ZNF7: variants seen among roughly 807,000 people sequenced by gnomAD.
ZNF7 encodes the protein zinc finger protein 7.
A neutral mutation model predicts 12.0 loss-of-function variants in ZNF7; 10 were observed. The ratio of observed to expected loss-of-function variants is 0.83; its 90% CI spans 0.51 to 1.42. ZNF7 has a LOEUF of 1.42. Ranked by LOEUF, ZNF7 falls within the 40% of genes most tolerant of loss-of-function variation. The pLI is 0.00. For synonymous variants in ZNF7, 334 were observed against 295.0 expected (o/e 1.13, Z -1.35); for missense variants, 854 against 837.2 (o/e 1.02, Z -0.25).
chr8:144,845,173 C>T (rs559582066), downstream of ZNF7, among the ~76,000 whole-genome samples: 5 of 152,182 alleles, frequency 3.3e-5, no homozygotes, highest in Non-Finnish European at 7.3e-5. Flanking sequence ...AGATTTCATT[C>T]TTTGTAGAAG....
chr8:144,843,330 C>T lies in ZNF7; in HGVS notation c.*162C>T. ...TCAGGCCGAGTGTGGTGGCTTATGC[C>T]TGTCATCCCAGCACTTTGGGAGGCC... On this transcript the variant is annotated 3_prime_UTR_variant, in exon 5 of 5. Coordinates refer to ENST00000532777, the MANE Select transcript of ZNF7 (RefSeq NM_003416.4). 3.5e-6 allele frequency: 3 copies of T among 859,036 alleles called. No homozygotes were observed. The highest frequency in any genetic ancestry group is 3.4e-5 in the African/African-American group (2 of 58,170). 53.2% of individuals were successfully genotyped at this position (859,036 alleles called of 1,614,324 possible). A position where few individuals can be genotyped will look rare whatever the true frequency, so the allele number is the denominator to read the frequency against.
At chr8:144,828,697 T>G in intron 1 of ZNF7, 1 of 295,328 alleles carries the variant, frequency 3.4e-6, no homozygotes, top group South Asian at 4.1e-5. Flanking sequence ...GTGTGCTTAT[T>G]TGTGTGGTTA....
chr8:144,830,366 C>T (rs769388304), intron 3 of ZNF7, among the ~76,000 whole-genome samples: 36 of 152,196 alleles, frequency 2.4e-4, no homozygotes, highest in Admixed American at 5.2e-4. Flanking sequence ...CAGTGGGAGG[C>T]TGTTGTAGTT....
chr8:144,843,097 T>C lies in ZNF7; in HGVS notation c.1990T>C (p.Cys664Arg). 6.2e-7 allele frequency: 1 copy of C among 1,612,896 alleles called. No homozygotes were observed. The highest frequency in any genetic ancestry group is 8.5e-7 in the Non-Finnish European group (1 of 1,179,622). ...TCACACCGGGGAGAAGCCTTATAAA[T>C]GCAATGACTGTGGCAAAGCTTTTAA... The part of the protein sequence containing the change: ...RIHTGEKPYK[C>R]NDCGKAFNRS... Residue 664 changes from cysteine (C) to arginine (R), a missense_variant, in exon 5 of 5, where the codon TGC (cysteine) becomes CGC (arginine). Coordinates refer to ENST00000532777, the MANE Select transcript of ZNF7 (RefSeq NM_003416.4).
In ZNF7 at chr8:144,842,177, C is replaced by T. The variant is rs749194864; in HGVS notation, c.1070C>T (p.Thr357Ile). Reference protein sequence around the residue: ...SQLVRHQRTHTGERPYPCKEC... With the variant: ...SQLVRHQRTHIGERPYPCKEC... ...CTGGTTAGACACCAGAGAACTCACA[C>T]TGGGGAGAGGCCCTACCCTTGCAAG... The change falls in exon 5 of 5, where the codon ACT becomes ATT. Residue 357 changes from threonine to isoleucine, a missense_variant. Thr to Ile is a moderately conservative substitution (Grantham distance 89). Transcript: ENST00000532777. The T allele has an allele frequency of 3.7e-6, 6 of 1,614,116 alleles. No homozygotes were observed. The highest frequency in any genetic ancestry group is 5.1e-6 in the Non-Finnish European group (6 of 1,180,006).
Position 144,843,377 on chromosome 8 carries a change from C to G in ZNF7, c.*209C>G, listed in dbSNP as rs375302812. 6 of 535,558 alleles carry G rather than the reference C, an allele frequency of 1.1e-5. No individual in the cohort carries two copies. The highest frequency in any genetic ancestry group is 3.7e-5 in the Admixed American group (1 of 26,720). The allele number at this position is 535,558 out of a possible 1,614,324, so 33.2% of individuals were successfully genotyped here. A position where few individuals can be genotyped will look rare whatever the true frequency, so the allele number is the denominator to read the frequency against. On this transcript the variant is annotated 3_prime_UTR_variant, in exon 5 of 5. Coordinates refer to ENST00000532777, the MANE Select transcript of ZNF7 (RefSeq NM_003416.4). ...GGCCAAGGCGGGCACATCACGAGGT[C>G]AGGAGGTTGAGACCATCCTGGGTAA...
Position 144,843,749 on chromosome 8 carries a change from A to C in ZNF7, c.*581A>C, listed in dbSNP as rs1004090806. 7 of 152,276 alleles carry C rather than the reference A, an allele frequency of 4.6e-5. No homozygotes were observed. The highest frequency in any genetic ancestry group is 1.7e-4 in the African/African-American group (7 of 41,448). 9.4% of individuals were successfully genotyped at this position (152,276 alleles called of 1,614,324 possible). A position where few individuals can be genotyped will look rare whatever the true frequency, so the allele number is the denominator to read the frequency against. ...TCCCTGTGAATGAGGAAGCAGCACA[A>C]GGAGGGCTCTACGAGCGCTGCTAGA... On this transcript the variant is annotated 3_prime_UTR_variant, in exon 5 of 5. Coordinates refer to ENST00000532777, the MANE Select transcript of ZNF7 (RefSeq NM_003416.4).
Position 144,829,540 on chromosome 8 carries a change from C to T in ZNF7, c.66C>T (p.Asp22=). 1.2e-6 allele frequency: 2 copies of T among 1,614,100 alleles called. No homozygotes were observed. Among genetic ancestry groups the T allele is most frequent in the East Asian group, 2.2e-5 (1 of 44,882 alleles). The change falls in exon 3 of 5, where the codon GAC becomes GAT. Residue 22 remains aspartate, a synonymous_variant. Coordinates refer to ENST00000532777, the MANE Select transcript of ZNF7 (RefSeq NM_003416.4). ...HFSREEWQCL[D]PGQRALYREV... ...CTCGGGAGGAGTGGCAGTGTCTGGA[C>T]CCTGGCCAGAGGGCCCTCTACAGGG...
intron 3 of ZNF7, chr8:144,831,039 G>T (rs951033643): frequency 2.2e-5 from 10 of 456,210 alleles, no homozygotes; most frequent in Non-Finnish European, 4.4e-5. Flanking sequence ...CGTAAGTGGT[G>T]TTGGGGTTTT....
rs745767675 is a variant in ZNF7 at position 144,841,607 on chromosome 8, C to T, written c.500C>T (p.Ala167Val). Residue 167 changes from alanine (A) to valine (V), a missense_variant, in exon 5 of 5, where the codon GCA (alanine) becomes GTA (valine). Ala to Val is a moderately conservative substitution (Grantham distance 64). Transcript: ENST00000532777. ...GTTCCCAAGACCTTCACCAAGGACGCACCCCAGGGATGTAAGGAGCTGGGA... is the reference window on the plus strand; with the variant it reads ...GTTCCCAAGACCTTCACCAAGGACGTACCCCAGGGATGTAAGGAGCTGGGA... The part of the protein sequence containing the change: ...TVVPKTFTKD[A>V]PQGCKELGSS... The T allele has an allele frequency of 3.5e-5, 56 of 1,614,068 alleles. No individual in the cohort carries two copies. The East Asian group carries it at 6.5e-4, about 19-fold the overall frequency.
rs1397442188 is a variant in ZNF7 at position 144,841,368 on chromosome 8, G to A, written c.261G>A (p.Arg87=). The change falls in exon 5 of 5, where the codon AGG becomes AGA. Residue 87 remains arginine (R), a synonymous_variant. Coordinates refer to ENST00000532777, the MANE Select transcript of ZNF7 (RefSeq NM_003416.4). ...TGTTTATTTCAGATTCTACGATTAG[G>A]ACTGAAAATGAGCAGGCCTGTGAGG... ...PRTSKTDSTI[R]TENEQACEDM... 1.2e-6 allele frequency: 2 copies of A among 1,604,450 alleles called. No homozygotes were observed. The highest frequency in any genetic ancestry group is 3.4e-5 in the Admixed American group (2 of 59,564).
intron 2 of ZNF7, 107 bp downstream of exon 2, chr8:144,829,197 T>C: frequency 6.3e-7 from 1 of 1,584,432 alleles, no homozygotes; most frequent in Non-Finnish European, 8.6e-7. Flanking sequence ...TTGCTGGGCT[T>C]AGGAAGGCCC....
Position 144,842,729 on chromosome 8 carries a change from C to A in ZNF7, c.1622C>A (p.Thr541Lys). 2 of 1,613,776 alleles carry A rather than the reference C, an allele frequency of 1.2e-6. No homozygotes were observed. Among genetic ancestry groups the A allele is most frequent in the Non-Finnish European group, 1.7e-6 (2 of 1,179,924 alleles). ...GCCTTCAGTATGAGCACACAGCTTA[C>A]AATACATCAAAGGGTTCACACTGGA... ...GKAFSMSTQLTIHQRVHTGER... is the reference protein window; with the variant it reads ...GKAFSMSTQLKIHQRVHTGER... Residue 541 changes from threonine (T) to lysine (K), a missense_variant, in exon 5 of 5, where the codon ACA (threonine) becomes AAA (lysine). By Grantham distance (78) the Thr-to-Lys change is moderately conservative. Transcript: ENST00000532777.
intron 3 of ZNF7, 115 bp from the exon 4 acceptor site, chr8:144,837,276 G>T (rs1317817725): frequency 1.2e-6 from 1 of 800,090 alleles, no homozygotes; most frequent in Non-Finnish European, 2.0e-6. Context: ...CAGGAGCTTG[G>T]CCTGTGCCTT....
intron 1 of ZNF7, among the ~76,000 whole-genome samples, chr8:144,828,282 G>T (rs1414501008): frequency 2.0e-5 from 3 of 152,166 alleles, no homozygotes; most frequent in Non-Finnish European, 4.4e-5. Flanking sequence ...TGAGGTGAAC[G>T]ATTTATATCA....
rs951299969 is a variant in ZNF7, at chr8:144,833,050, T to C, written c.130+3446T>C. On this transcript the variant is annotated intron_variant, in intron 3 of 4. Transcript: ENST00000532777. ...TCATCTCTACTAAAAATACAAAAAT[T>C]AGCTGGGTGTGGTGGCTCACGCCTG... Among the ~76,000 whole-genome samples the C allele has an allele frequency of 2.0e-5, 3 of 152,034 alleles. No individual in the cohort carries two copies. In the East Asian group the frequency reaches 5.8e-4, roughly 29 times the overall value.
In ZNF7 at chr8:144,843,365, A is replaced by G. The variant is rs551640283; in HGVS notation, c.*197A>G. The G allele has an allele frequency of 3.5e-4, 202 of 579,614 alleles. No individual in the cohort carries two copies. The highest frequency in any genetic ancestry group is 1.1e-3 in the East Asian group (35 of 31,584). 35.9% of individuals were successfully genotyped at this position (579,614 alleles called of 1,614,324 possible). A position where few individuals can be genotyped will look rare whatever the true frequency, so the allele number is the denominator to read the frequency against. On this transcript the variant is annotated 3_prime_UTR_variant, in exon 5 of 5. Transcript: ENST00000532777. Reference sequence around the variant, plus strand: ...AGCACTTTGGGAGGCCAAGGCGGGCACATCACGAGGTCAGGAGGTTGAGAC... The same window carrying G: ...AGCACTTTGGGAGGCCAAGGCGGGCGCATCACGAGGTCAGGAGGTTGAGAC...
chr8:144,842,610 C>T lies in ZNF7; in HGVS notation c.1503C>T (p.Asp501=), dbSNP rs1830090034. ...HTGEKPYVCN[D]CGKAFSQSSS... The stretch of plus-strand genomic sequence containing the variant: ...GAGAGAAACCCTATGTGTGTAATGA[C>T]TGTGGAAAAGCCTTCAGTCAGAGTT... The change falls in exon 5 of 5, where the codon GAC becomes GAT. Residue 501 remains aspartate (D), a synonymous_variant. Transcript: ENST00000532777. 2 of 1,614,138 alleles carry T rather than the reference C, an allele frequency of 1.2e-6. No homozygotes were observed. The highest frequency in any genetic ancestry group is 1.3e-5 in the African/African-American group (1 of 75,020).
intron 4 of ZNF7, among the ~76,000 whole-genome samples, chr8:144,840,583 G>A (rs1048675160): frequency 4.6e-5 from 7 of 152,216 alleles, no homozygotes; most frequent in Non-Finnish European, 7.3e-5. Flanking sequence ...CCTCAGCAGA[G>A]GTGCCCTCTA....
Sources: allele counts gnomAD v4.1 joint callset (sites outside exome capture counted in the v4.1 genomes callset), GRCh38; gene constraint gnomAD v4.1.1; transcripts MANE v1.5; gene names NCBI Gene and HGNC (gene_info 2026-07-23, HGNC 2026-07-21).